The following LTBP1 variants were observed in gnomAD, a reference collection of about 807,000 sequenced individuals.
LTBP1 encodes the protein latent-transforming growth factor beta-binding protein 1.
A neutral mutation model predicts 207.6 loss-of-function variants in LTBP1; 129 were observed. That is an observed-to-expected ratio of 0.62 (90% CI 0.54 to 0.72). The LOEUF (loss-of-function observed/expected upper bound fraction) is 0.72, where lower values mean the gene tolerates loss of function less well. Ranked by LOEUF, LTBP1 falls within the 30% of genes least tolerant of loss-of-function variation. LTBP1 has a pLI of 0.00. For missense variants in LTBP1, 2,281 were observed against 2,217.2 expected, an observed-to-expected ratio of 1.03 and a Z score of -0.58; for synonymous variants, 963 against 833.7, an observed-to-expected ratio of 1.16 and a Z score of -2.67.
intron 2 of LTBP1, among the ~76,000 whole-genome samples, chr2:32,993,132 C>G (rs1684679574): frequency 6.6e-6 from 1 of 151,930 alleles, no homozygotes; most frequent in Non-Finnish European, 1.5e-5. Flanking sequence ...GTGGAAAATG[C>G]AGCATGAGGA....
intron 26 of LTBP1, among the ~76,000 whole-genome samples, chr2:33,360,060 A>G (rs2094909291): frequency 6.6e-6 from 1 of 152,206 alleles, no homozygotes; most frequent in African/African-American, 2.4e-5. Context: ...CAATTTAAGT[A>G]GTTAGATTTT....
chr2:33,296,741 T>TA (rs1328398668), intron 20 of LTBP1, among the ~76,000 whole-genome samples: 4 of 152,090 alleles, frequency 2.6e-5, no homozygotes, highest in Middle Eastern at 3.4e-3. Context: ...TTTGTTTTTT[T>TA]AAAAAAAGGC....
intron 19 of LTBP1, among the ~76,000 whole-genome samples, chr2:33,283,444 T>C (rs113058547): frequency 2.9e-5 from 4 of 138,824 alleles, no homozygotes; most frequent in Admixed American, 1.4e-4. Context: ...TTTTTTTTTT[T>C]TTTTTTTTTT....
intron 15 of LTBP1, among the ~76,000 whole-genome samples, chr2:33,264,792 G>A (rs969448287): frequency 1.3e-5 from 2 of 152,170 alleles, no homozygotes; most frequent in Non-Finnish European, 2.9e-5. Flanking sequence ...TCTCCAGAGA[G>A]ACAGAACCAA....
At chr2:33,002,315 G>A (rs896240967) in intron 2 of LTBP1, among the ~76,000 whole-genome samples, 2 of 152,198 alleles carry the variant, frequency 1.3e-5, no homozygotes, top group African/African-American at 4.8e-5. Context: ...ATTTGTGCAG[G>A]TGGTGGAGTG....
chr2:33,020,096 T>C (rs1032134017), intron 2 of LTBP1, among the ~76,000 whole-genome samples: 3 of 152,104 alleles, frequency 2.0e-5, no homozygotes, highest in African/African-American at 7.2e-5. Flanking sequence ...GAAGAAGTTG[T>C]TTCTTTTTGG....
intron 9 of LTBP1, among the ~76,000 whole-genome samples, chr2:33,240,268 C>T (rs1329898619): frequency 1.3e-5 from 2 of 152,180 alleles, no homozygotes; most frequent in Admixed American, 1.3e-4. Flanking sequence ...ATTCACCCAT[C>T]ACATTCCATA....
chr2:32,969,990 G>A (rs760902525), intron 2 of LTBP1, among the ~76,000 whole-genome samples: 11 of 152,136 alleles, frequency 7.2e-5, no homozygotes, highest in Non-Finnish European at 8.8e-5. Context: ...GTATCACATT[G>A]TGGTTTTGAT....
chr2:33,050,673 T>C (rs1253142682), intron 3 of LTBP1, among the ~76,000 whole-genome samples: 3 of 152,144 alleles, frequency 2.0e-5, no homozygotes, highest in Non-Finnish European at 2.9e-5. Context: ...AACAGAACAT[T>C]TGGGTTCAGG....
intron 3 of LTBP1, among the ~76,000 whole-genome samples, chr2:33,074,928 G>A (rs1398026197): frequency 1.3e-5 from 2 of 150,766 alleles, no homozygotes; most frequent in South Asian, 2.1e-4. Flanking sequence ...GCACCTGCCT[G>A]TAATCCCAGC....
At chr2:33,073,012 C>T (rs989198971) in intron 3 of LTBP1, among the ~76,000 whole-genome samples, 9 of 152,146 alleles carry the variant, frequency 5.9e-5, no homozygotes, top group Admixed American at 5.9e-4. Flanking sequence ...GTAGTGTTGC[C>T]CTCCACAGAG....
chr2:33,160,674 A>G (rs76145166), intron 5 of LTBP1, among the ~76,000 whole-genome samples: 2,263 of 152,300 alleles, frequency 0.015, 23 homozygotes, highest in East Asian at 0.027. Context: ...AAGTACTATC[A>G]ACTAGGTATT....
At chr2:33,259,633 G>GTC (rs763946420) in intron 13 of LTBP1, 23 bp downstream of exon 13, 1 of 1,589,898 alleles carries the variant, frequency 6.3e-7, no homozygotes, top group Admixed American at 1.8e-5. Flanking sequence ...TTGCTTGCAA[G>GTC]TCTTTTTTTT....
At chr2:32,985,843 C>A (rs1039605687) in intron 2 of LTBP1, among the ~76,000 whole-genome samples, 1 of 152,074 alleles carries the variant, frequency 6.6e-6, no homozygotes, top group African/African-American at 2.4e-5. Flanking sequence ...CCCTTCTTTT[C>A]TTCTGGAAAC....
chr2:33,359,297 G>C (rs2094899808), intron 26 of LTBP1, among the ~76,000 whole-genome samples: 1 of 152,218 alleles, frequency 6.6e-6, no homozygotes. Flanking sequence ...AGAGGAAAGA[G>C]AAAGGGCAGT....
chr2:32,983,640 TC>T (rs1209123655), intron 2 of LTBP1, among the ~76,000 whole-genome samples: 1 of 152,226 alleles, frequency 6.6e-6, no homozygotes, highest in African/African-American at 2.4e-5. Context: ...GGCAGGATTT[TC>T]CTGTGCTGTT....
At chr2:33,298,785 T>G (rs932022208) in intron 20 of LTBP1, among the ~76,000 whole-genome samples, 1 of 152,202 alleles carries the variant, frequency 6.6e-6, no homozygotes, top group Admixed American at 6.5e-5. Context: ...TTTAATCAAC[T>G]AAAGTAATTG....
chr2:33,267,356 A>T (rs984672495), intron 15 of LTBP1, among the ~76,000 whole-genome samples: 21 of 152,180 alleles, frequency 1.4e-4, no homozygotes, highest in African/African-American at 5.1e-4. Context: ...GTGCAAGCAA[A>T]ACTTGGGCAA....
chr2:33,242,183 T>C (rs1558871930), intron 9 of LTBP1, among the ~76,000 whole-genome samples: 1 of 152,232 alleles, frequency 6.6e-6, no homozygotes, highest in Non-Finnish European at 1.5e-5. Flanking sequence ...GTTCATATAA[T>C]GTTAATATTT....
Sources: gnomAD v4.1 joint callset for allele counts (sites outside exome capture counted in the v4.1 genomes callset) on GRCh38, gnomAD v4.1.1 for gene constraint, MANE v1.5 for transcripts, NCBI Gene and HGNC (gene_info 2026-07-23, HGNC 2026-07-21) for gene names.